Variants in ROBO2 observed in about 807,000 individuals in gnomAD.
ROBO2 encodes the protein roundabout guidance receptor 2.
Under a neutral mutation model 160.8 loss-of-function variants are expected in ROBO2, and 53 were observed. That is an observed-to-expected ratio of 0.33 (90% confidence interval 0.26 to 0.41). The LOEUF (loss-of-function observed/expected upper bound fraction) is 0.41. Ranked by LOEUF, ROBO2 falls within the 10% of genes least tolerant of loss-of-function variation. ROBO2 has a pLI of 1.00. For missense variants in ROBO2, 1,577 were observed against 1,722.4 expected (o/e 0.92, Z 1.49); for synonymous variants, 664 against 611.7 (o/e 1.09, Z -1.26).
At chr3:76,277,295 TAAAC>T (rs1707981872) in intron 2 of ROBO2, among the ~76,000 whole-genome samples, 1 of 152,034 alleles carries the variant, frequency 6.6e-6, no homozygotes, top group Admixed American at 6.6e-5. Flanking sequence ...TATCAGCTGT[TAAAC>T]AACAGCAACA....
chr3:77,260,828 C>T (rs2058727404), intron 2 of ROBO2, among the ~76,000 whole-genome samples: 1 of 152,138 alleles, frequency 6.6e-6, no homozygotes, highest in Admixed American at 6.6e-5. Context: ...TTTGCTTTCA[C>T]GGCCCCGACA....
chr3:75,980,492 A>G (rs1035137515), intron 2 of ROBO2, among the ~76,000 whole-genome samples: 3 of 151,650 alleles, frequency 2.0e-5, no homozygotes, highest in Non-Finnish European at 4.4e-5. Context: ...GAAACAAACA[A>G]AAGTGGATAA....
chr3:76,800,780 T>A (rs2108847530), intron 2 of ROBO2, among the ~76,000 whole-genome samples: 1 of 152,302 alleles, frequency 6.6e-6, no homozygotes, highest in African/African-American at 2.4e-5. Flanking sequence ...GTCAGGCATG[T>A]AAATTAGTAC....
chr3:76,643,385 T>C (rs1016943344), intron 2 of ROBO2, among the ~76,000 whole-genome samples: 1 of 152,170 alleles, frequency 6.6e-6, no homozygotes, highest in African/African-American at 2.4e-5. Context: ...GAAGAATATC[T>C]CTGAGATTAC....
intron 2 of ROBO2, among the ~76,000 whole-genome samples, chr3:76,634,498 G>A (rs1384505038): frequency 2.6e-5 from 4 of 151,968 alleles, no homozygotes; most frequent in African/African-American, 9.7e-5. Flanking sequence ...AACCTGGGAG[G>A]CAGGGGTTGC....
intron 2 of ROBO2, among the ~76,000 whole-genome samples, chr3:77,011,349 A>G (rs865874179): frequency 1.3e-5 from 2 of 152,276 alleles, no homozygotes; most frequent in South Asian, 2.1e-4. Flanking sequence ...AATTTTTCAC[A>G]TGCAAATTAA....
intron 6 of ROBO2, among the ~76,000 whole-genome samples, chr3:77,531,878 T>G (rs1559554525): frequency 6.6e-6 from 1 of 152,098 alleles, no homozygotes; most frequent in East Asian, 1.9e-4. Context: ...ATCATCTCCC[T>G]CCTGAGAGCT....
intron 2 of ROBO2, among the ~76,000 whole-genome samples, chr3:77,354,640 A>C (rs546705963): frequency 6.6e-6 from 1 of 152,318 alleles, no homozygotes; most frequent in East Asian, 1.9e-4. Flanking sequence ...GTGTTATCTG[A>C]ATCAGAATCC....
intron 2 of ROBO2, among the ~76,000 whole-genome samples, chr3:76,120,244 C>T (rs1271578973): frequency 1.3e-5 from 2 of 152,014 alleles, no homozygotes; most frequent in Admixed American, 6.6e-5. Context: ...TCAGGTGATC[C>T]GCCCACCTCG....
At position 76,674,308 on chromosome 3, in the gene ROBO2, G is replaced by T. The variant is rs529220905; in HGVS notation, c.110-423706G>T. Reference sequence around the variant, plus strand: ...CTTTCTTAAAATTGCAGAGCAACTCGTCAGATGCTGATAATCTTGGAACGG... The same window carrying T: ...CTTTCTTAAAATTGCAGAGCAACTCTTCAGATGCTGATAATCTTGGAACGG... On this transcript the variant is annotated intron_variant, in intron 2 of 26. Coordinates refer to the ROBO2 transcript ENST00000487694. Among the ~76,000 whole-genome samples, 77 of 151,992 alleles carry T rather than the reference G, an allele frequency of 5.1e-4. 1 individual carries two copies. The highest frequency in any genetic ancestry group is 1.8e-3 in the African/African-American group (75 of 41,480).
intron 2 of ROBO2, among the ~76,000 whole-genome samples, chr3:76,202,576 G>T (rs1702587788): frequency 1.3e-5 from 2 of 152,244 alleles, no homozygotes; most frequent in African/African-American, 4.8e-5. Flanking sequence ...GACTGGAAGA[G>T]ACCAAATGTG....
In ROBO2 at chr3:77,448,856, A is replaced by G. The variant is rs570884958; in HGVS notation, c.389-28558A>G. On this transcript the variant is annotated intron_variant, in intron 2 of 25. Transcript: ENST00000461745. ...AAAAATCACATATAAGAGCCAAGTT[A>G]AAAACATTTATGCACAACTCTATGT... Among the ~76,000 whole-genome samples, 5 of 152,206 alleles carry G rather than the reference A, an allele frequency of 3.3e-5. No individual in the cohort carries two copies. The East Asian group carries it at 9.7e-4, about 29-fold the overall frequency.
chr3:76,367,201 TC>T (rs1306800410), intron 2 of ROBO2, among the ~76,000 whole-genome samples: 1 of 152,048 alleles, frequency 6.6e-6, no homozygotes, highest in African/African-American at 2.4e-5. Context: ...TAGTTAAAAT[TC>T]CTAATATCAT....
chr3:77,425,199 A>G (rs2153535877), intron 2 of ROBO2, among the ~76,000 whole-genome samples: 1 of 151,916 alleles, frequency 6.6e-6, no homozygotes, highest in Non-Finnish European at 1.5e-5. Context: ...TGGCAAGAAA[A>G]AAAAAAAAAA....
chr3:76,755,212 T>A (rs939647755), intron 2 of ROBO2, among the ~76,000 whole-genome samples: 5 of 151,934 alleles, frequency 3.3e-5, no homozygotes, highest in Non-Finnish European at 7.4e-5. Flanking sequence ...GTGTCCAGTG[T>A]ATATTCTCTC....
intron 23 of ROBO2, chr3:77,632,188 C>A: frequency 4.3e-6 from 1 of 231,164 alleles, no homozygotes; most frequent in Non-Finnish European, 8.3e-6. Context: ...CACATCGCAG[C>A]TCTCTTTTGG....
intron 2 of ROBO2, among the ~76,000 whole-genome samples, chr3:76,613,950 T>C (rs1452276249): frequency 6.6e-6 from 1 of 150,762 alleles, no homozygotes; most frequent in East Asian, 1.9e-4. Flanking sequence ...CCCTTATACA[T>C]TTTTTTTTCA....
intron 2 of ROBO2, among the ~76,000 whole-genome samples, chr3:76,469,942 T>C (rs1315752769): frequency 6.6e-6 from 1 of 152,160 alleles, no homozygotes; most frequent in Non-Finnish European, 1.5e-5. Flanking sequence ...GATAAATGAA[T>C]AAAGAAAGAA....
At chr3:76,376,296 G>T (rs1256198028) in intron 2 of ROBO2, among the ~76,000 whole-genome samples, 1 of 152,062 alleles carries the variant, frequency 6.6e-6, no homozygotes, top group African/African-American at 2.4e-5. Flanking sequence ...AAACACTGAG[G>T]CTTAGAAATG....
Sources: gnomAD v4.1 joint callset for allele counts (sites outside exome capture counted in the v4.1 genomes callset) on GRCh38, gnomAD v4.1.1 for gene constraint, MANE v1.5 for transcripts, NCBI Gene and HGNC (gene_info 2026-07-23, HGNC 2026-07-21) for gene names.